The following PIWIL1 variants were observed in gnomAD, a reference collection of about 807,000 sequenced individuals.
The protein encoded by PIWIL1 is piwi like RNA-mediated gene silencing 1, also known as piwi-like protein 1.
PIWIL1 carries 73 observed loss-of-function variants against 114.4 expected under a neutral mutation model. The observed-to-expected ratio is 0.64, with a 90% CI of 0.53 to 0.78. The LOEUF is 0.78. Among genes scored for constraint, PIWIL1 ranks in the 30% least tolerant of loss-of-function variants. PIWIL1 has a pLI of 0.00. For missense variants in PIWIL1, 723 were observed against 1,063.1 expected, an observed-to-expected ratio of 0.68 and a Z score of 4.45; for synonymous variants, 375 against 369.0, an observed-to-expected ratio of 1.02 and a Z score of -0.19.
At chr12:130,343,771 G>A (rs11060835) in intron 3 of PIWIL1, among the ~76,000 whole-genome samples, 23,567 of 151,822 alleles carry the variant, frequency 0.16, 1,936 homozygotes, top group South Asian at 0.2. Context: ...GACTACAGGC[G>A]CCCACCACTG....
the PIWIL1 span, among the ~76,000 whole-genome samples, chr12:130,381,670 G>C: frequency 5.3e-5 from 8 of 152,096 alleles, no homozygotes; most frequent in African/African-American, 1.9e-4. Context: ...AACTCCTTTG[G>C]GTAAATACCA....
At chr12:130,340,559 C>G (rs2072882811) in intron 1 of PIWIL1, among the ~76,000 whole-genome samples, 1 of 148,008 alleles carries the variant, frequency 6.8e-6, no homozygotes, top group Non-Finnish European at 1.5e-5. Flanking sequence ...TGCTCACTCA[C>G]TGCGGCTCAC....
At chr12:130,345,414 A>G (rs1305940463) in intron 3 of PIWIL1, 2 of 182,560 alleles carry the variant, frequency 1.1e-5, no homozygotes, top group Non-Finnish European at 2.3e-5. Context: ...CAGACTTACA[A>G]TACAGAAAAA....
the PIWIL1 span, among the ~76,000 whole-genome samples, chr12:130,418,502 T>C: frequency 6.6e-6 from 1 of 152,156 alleles, no homozygotes; most frequent in Non-Finnish European, 1.5e-5. Context: ...GGAGATCTGC[T>C]GGAGGAACTT....
At chr12:130,368,509 TGTTATGGCATTGGCTTAGGTTAG>T (rs934550647) in intron 19 of PIWIL1, among the ~76,000 whole-genome samples, 2 of 152,204 alleles carry the variant, frequency 1.3e-5, no homozygotes, top group African/African-American at 4.8e-5. Flanking sequence ...CTCAGACAGA[TGTTATGGCATTGGCTTAGGTTAG>T]GTTATGGCAT....
chr12:130,406,349 A>G, the PIWIL1 span: 2 of 699,564 alleles, frequency 2.9e-6, no homozygotes, highest in Non-Finnish European at 4.9e-6. Flanking sequence ...AATTTCTGGT[A>G]TTAATCTACT....
the PIWIL1 span, among the ~76,000 whole-genome samples, chr12:130,416,114 C>T: frequency 2.6e-5 from 4 of 152,192 alleles, no homozygotes; most frequent in East Asian, 7.7e-4. Context: ...ATTCCATGCT[C>T]ATGGGTTAGA....
Position 130,354,647 on chromosome 12 carries a change from G to T in PIWIL1, c.1155G>T (p.Glu385Asp). 1 of 1,594,376 alleles carries T rather than the reference G, an allele frequency of 6.3e-7. No individual in the cohort carries two copies. Among genetic ancestry groups the T allele is most frequent in the Non-Finnish European group, 8.5e-7 (1 of 1,173,632 alleles). Reference protein sequence around the residue: ...TLPGPAMLIPELCYLTGLTDK... With the variant: ...TLPGPAMLIPDLCYLTGLTDK... Reference sequence around the variant, plus strand: ...CAGGGCCTGCCATGCTCATTCCTGAGCTCTGCTATCTTACAGGTACTGTTG... The same window carrying T: ...CAGGGCCTGCCATGCTCATTCCTGATCTCTGCTATCTTACAGGTACTGTTG... The change falls in exon 10 of 21, where the codon GAG becomes GAT. Residue 385 changes from glutamate to aspartate, a missense_variant. Physicochemically the swap from Glu to Asp is conservative, Grantham distance 45. Around this residue, in one of 8 missense-constraint regions of PIWIL1, gnomAD observed 298 missense variants for 420.8 expected, o/e 0.71. Coordinates refer to ENST00000245255, the MANE Select transcript of PIWIL1 (RefSeq NM_004764.5).
the PIWIL1 span, chr12:130,422,547 T>G: frequency 6.2e-7 from 1 of 1,608,118 alleles, no homozygotes. This position sits in a 1 kb window ranked among gnomAD's most constrained non-coding sequence, Gnocchi z 5.2. Flanking sequence ...CTGCAGAGGC[T>G]GGGTTCCCTA....
chr12:130,412,552 T>C, the PIWIL1 span: 1 of 1,427,786 alleles, frequency 7.0e-7, no homozygotes, highest in Non-Finnish European at 9.7e-7. Flanking sequence ...ACCGCCTGCC[T>C]CTCTGAGCGG....
intron 6 of PIWIL1, 48 bp downstream of exon 6, chr12:130,347,110 A>G (rs1284090822): frequency 7.6e-7 from 1 of 1,323,804 alleles, no homozygotes; most frequent in Non-Finnish European, 1.1e-6. Context: ...CAAAGTTGAA[A>G]TAATTGTACA....
Position 130,371,660 on chromosome 12 carries a change from T to G in PIWIL1, c.*62T>G. The G allele has an allele frequency of 9.5e-7, 1 of 1,057,006 alleles. No homozygotes were observed. The highest frequency in any genetic ancestry group is 1.4e-6 in the Non-Finnish European group (1 of 705,966). The allele number at this position is 1,057,006 out of a possible 1,614,324, so 65.5% of individuals were successfully genotyped here. On this transcript the variant is annotated 3_prime_UTR_variant, in exon 21 of 21. Coordinates refer to ENST00000245255, the MANE Select transcript of PIWIL1 (RefSeq NM_004764.5). ...ATGACTTTGGGATTTTTTTAAGCTT[T>G]TATTTACTTTTTTTTTAACTGTTAT...
At chr12:130,384,533 A>G in the PIWIL1 span, among the ~76,000 whole-genome samples, 2 of 152,218 alleles carry the variant, frequency 1.3e-5, no homozygotes, top group African/African-American at 4.8e-5. Flanking sequence ...CAACAAGAAC[A>G]TGTTAATGAC....
chr12:130,401,736 G>A, the PIWIL1 span, among the ~76,000 whole-genome samples: 34 of 152,048 alleles, frequency 2.2e-4, no homozygotes, highest in African/African-American at 7.0e-4. Context: ...ATCTAAATAC[G>A]AAGACACTCA....
chr12:130,378,255 G>A, the PIWIL1 span, among the ~76,000 whole-genome samples: 1 of 152,110 alleles, frequency 6.6e-6, no homozygotes, highest in African/African-American at 2.4e-5. Context: ...CTTGTGTCTG[G>A]CTTCTTTTGG....
chr12:130,409,112 A>T, the PIWIL1 span, among the ~76,000 whole-genome samples: 1 of 152,262 alleles, frequency 6.6e-6, no homozygotes, highest in Non-Finnish European at 1.5e-5. Context: ...TGTACTTCTC[A>T]CTGAAGTCAA....
the PIWIL1 span, among the ~76,000 whole-genome samples, chr12:130,395,155 A>G: frequency 0.029 from 4,426 of 152,292 alleles, 142 homozygotes; most frequent in African/African-American, 0.062. Context: ...CTGTTCTTTG[A>G]GTACTCTGTA....
At chr12:130,407,693 T>C in the PIWIL1 span, 3 of 1,529,380 alleles carry the variant, frequency 2.0e-6, no homozygotes, top group Non-Finnish European at 1.8e-6. Context: ...GGTGTGGTTG[T>C]GTCCGTCATG....
rs1351724018 is a variant in PIWIL1 at position 130,356,970 on chromosome 12, C to T, written c.1457C>T (p.Pro486Leu). 2 of 1,612,910 alleles carry T rather than the reference C, an allele frequency of 1.2e-6. No homozygotes were observed. The highest frequency in any genetic ancestry group is 1.1e-5 in the South Asian group (1 of 90,926). ...TGGTCCAAAGAAACAAGAGGTGCAC[C>T]ATTAATTAGTGTTAAGCCACTAGAT... ...ADWSKETRGA[P>L]LISVKPLDNW... is the part of the protein sequence containing the mutation. The change falls in exon 13 of 21, where the codon CCA (proline) becomes CTA (leucine). Residue 486 changes from proline to leucine, a missense_variant. Coordinates refer to ENST00000245255, the MANE Select transcript of PIWIL1 (RefSeq NM_004764.5).
Sources: gnomAD v4.1 joint callset for allele counts (sites outside exome capture counted in the v4.1 genomes callset) on GRCh38, gnomAD v4.1.1 for gene constraint, gnomAD v4.1.1 regional missense constraint, Gnocchi (gnomAD v3.1) non-coding constraint, MANE v1.5 for transcripts, NCBI Gene and HGNC (gene_info 2026-07-23, HGNC 2026-07-21) for gene names.